SLC30A7: variants seen among roughly 807,000 people sequenced by gnomAD.
The protein encoded by SLC30A7 is zinc transporter 7.
A neutral mutation model predicts 46.0 loss-of-function variants in SLC30A7; 35 were observed. That is an observed-to-expected ratio of 0.76 (90% CI 0.58 to 1.01). The LOEUF is 1.01. SLC30A7 is among the 50% of genes least tolerant of loss of function. SLC30A7 has a pLI of 0.00. For missense variants in SLC30A7, 464 were observed against 451.1 expected, an observed-to-expected ratio of 1.03 and a Z score of -0.26; for synonymous variants, 147 against 157.8, an observed-to-expected ratio of 0.93 and a Z score of 0.51.
chr1:100,965,816 G>A lies in SLC30A7; in HGVS notation c.981G>A (p.Trp327Ter). The A allele has an allele frequency of 1.2e-6, 2 of 1,613,766 alleles. No individual in the cohort carries two copies. The highest frequency in any genetic ancestry group is 1.7e-6 in the Non-Finnish European group (2 of 1,179,744). The part of the protein sequence containing the change: ...GVYSLQEQHF[W>*]TLCSDVYVGT... ...ACAGTTTACAGGAACAGCACTTCTG[G>A]ACTTTATGTTCTGACGTTTATGTTG... Residue 327 changes from tryptophan (W) to a stop codon, truncating the protein, a stop_gained, in exon 10 of 11, where the codon TGG (tryptophan) becomes TGA (stop). Transcript: ENST00000357650. LOFTEE classifies it high-confidence loss of function.
chr1:100,982,549 C>T (rs1570619120), downstream of SLC30A7, among the ~76,000 whole-genome samples: 3 of 152,316 alleles, frequency 2.0e-5, no homozygotes, highest in Middle Eastern at 6.8e-3. Context: ...TGCCCTGTCA[C>T]CTCCATTTCC....
intron 8 of SLC30A7, among the ~76,000 whole-genome samples, chr1:100,947,472 A>G (rs1654705179): frequency 6.6e-6 from 1 of 152,172 alleles, no homozygotes; most frequent in South Asian, 2.1e-4. Flanking sequence ...TTTACTTCCA[A>G]TTATGTGGTC....
At chr1:100,915,203 TTC>T (rs1410206023) in intron 6 of SLC30A7, among the ~76,000 whole-genome samples, 2 of 88,406 alleles carry the variant, frequency 2.3e-5, no homozygotes, top group East Asian at 2.7e-4. Flanking sequence ...TTTTCTTTCT[TTC>T]TTTCTTTCTT....
intron 8 of SLC30A7, among the ~76,000 whole-genome samples, chr1:100,946,772 C>T (rs145070096): frequency 6.6e-6 from 1 of 152,058 alleles, no homozygotes; most frequent in Non-Finnish European, 1.5e-5. Context: ...CTCTGCCGGG[C>T]TTTGGTATCT....
At chr1:100,904,414 A>AT (rs1295081512) in intron 2 of SLC30A7, among the ~76,000 whole-genome samples, 1 of 151,750 alleles carries the variant, frequency 6.6e-6, no homozygotes, top group Admixed American at 6.6e-5. Flanking sequence ...ACTGGTTCAT[A>AT]TTTTTTTGTC....
chr1:100,936,152 T>C (rs534944937), intron 8 of SLC30A7, among the ~76,000 whole-genome samples: 1 of 152,186 alleles, frequency 6.6e-6, no homozygotes, highest in Admixed American at 6.5e-5. Context: ...TTTCTATGGG[T>C]GAATTACATG....
At position 100,977,214 on chromosome 1, in the gene SLC30A7, C is replaced by T. The variant is rs566324461; in HGVS notation, c.*2357C>T. 3 of 152,220 alleles carry T rather than the reference C, an allele frequency of 2.0e-5. No homozygotes were observed. The highest frequency in any genetic ancestry group is 7.2e-5 in the African/African-American group (3 of 41,526). 9.4% of individuals were successfully genotyped at this position (152,220 alleles called of 1,614,324 possible). A position where few individuals can be genotyped will look rare whatever the true frequency, so the allele number is the denominator to read the frequency against. On this transcript the variant is annotated 3_prime_UTR_variant, in exon 11 of 11. Transcript: ENST00000357650. Reference sequence around the variant, plus strand: ...CAAGTCTGCCTTTCACAGAGCCCTCCATTCCAAGTTTAGTTTTTGTCAAAA... The same window carrying T: ...CAAGTCTGCCTTTCACAGAGCCCTCTATTCCAAGTTTAGTTTTTGTCAAAA...
At chr1:100,964,332 T>C (rs928825083) in intron 9 of SLC30A7, among the ~76,000 whole-genome samples, 39 of 112,496 alleles carry the variant, frequency 3.5e-4, no homozygotes, top group African/African-American at 1.2e-3. Context: ...TACATGTATG[T>C]ATATATGTTA....
At chr1:100,913,983 TA>T (rs1652304397) in intron 6 of SLC30A7, among the ~76,000 whole-genome samples, 177 bp downstream of exon 6, 1 of 152,256 alleles carries the variant, frequency 6.6e-6, no homozygotes, top group Non-Finnish European at 1.5e-5. Flanking sequence ...ATTAACTCAG[TA>T]TAAGGCAGTG....
At chr1:100,926,649 T>A (rs1197111707) in intron 8 of SLC30A7, among the ~76,000 whole-genome samples, 2 of 152,212 alleles carry the variant, frequency 1.3e-5, no homozygotes, top group Non-Finnish European at 2.9e-5. Flanking sequence ...TAAACATTAC[T>A]GAAATGTATA....
intron 8 of SLC30A7, 140 bp from the exon 9 acceptor site, chr1:100,961,688 A>G (rs932221829): frequency 8.8e-6 from 4 of 456,852 alleles, no homozygotes; most frequent in African/African-American, 8.1e-5. Context: ...ATCTAAAACA[A>G]TGACTGGTTG....
intron 7 of SLC30A7, 109 bp downstream of exon 7, chr1:100,918,236 T>G: frequency 1.2e-6 from 1 of 865,062 alleles, no homozygotes; most frequent in Admixed American, 2.2e-5. Flanking sequence ...ACATAGTGTT[T>G]GTGTTTAGTG....
At chr1:100,956,085 T>G (rs1346434631) in intron 8 of SLC30A7, among the ~76,000 whole-genome samples, 1 of 152,046 alleles carries the variant, frequency 6.6e-6, no homozygotes, top group Non-Finnish European at 1.5e-5. Flanking sequence ...AAACCACAAT[T>G]GATCCTAATG....
At chr1:100,964,316 G>GTTATATACATGTATGTATATATGTT (rs1655728178) in intron 9 of SLC30A7, among the ~76,000 whole-genome samples, 1 of 128,470 alleles carries the variant, frequency 7.8e-6, no homozygotes, top group Non-Finnish European at 1.6e-5. Flanking sequence ...ACCTATATAT[G>GTTATATACATGTATGTATATATGTT]TTATATACAT....
At chr1:100,910,546 A>G (rs1478752702) in intron 3 of SLC30A7, among the ~76,000 whole-genome samples, 2 of 152,182 alleles carry the variant, frequency 1.3e-5, no homozygotes. Flanking sequence ...TGTCTCTGGC[A>G]TAAGTCAGAA....
chr1:100,975,016 G>A lies in SLC30A7; in HGVS notation c.*159G>A, dbSNP rs1234664713. On this transcript the variant is annotated 3_prime_UTR_variant, in exon 11 of 11. Transcript: ENST00000357650. ...GTCAGCCGTTCATGCTTTGTGGGGA[G>A]TTCACAGCTAAGGGATCAGATTTAA... 6 of 457,392 alleles carry A rather than the reference G, an allele frequency of 1.3e-5. No individual in the cohort carries two copies. The highest frequency in any genetic ancestry group is 2.3e-5 in the Non-Finnish European group (6 of 258,508). 28.3% of individuals were successfully genotyped at this position (457,392 alleles called of 1,614,324 possible). A position where few individuals can be genotyped will look rare whatever the true frequency, so the allele number is the denominator to read the frequency against.
At chr1:100,943,194 T>C (rs990194076) in intron 8 of SLC30A7, among the ~76,000 whole-genome samples, 3 of 152,202 alleles carry the variant, frequency 2.0e-5, no homozygotes, top group Admixed American at 6.5e-5. Flanking sequence ...AACCCCAGGT[T>C]AGTTTGCCTG....
downstream of SLC30A7, among the ~76,000 whole-genome samples, chr1:100,983,184 G>C (rs1488775952): frequency 6.6e-6 from 1 of 151,900 alleles, no homozygotes; most frequent in African/African-American, 2.4e-5. Context: ...CCCTTGATAT[G>C]GCACCAAACT....
At chr1:100,912,432 G>A (rs1652165216) in intron 5 of SLC30A7, among the ~76,000 whole-genome samples, 194 bp downstream of exon 5, 1 of 152,056 alleles carries the variant, frequency 6.6e-6, no homozygotes, top group Admixed American at 6.5e-5. Flanking sequence ...TTGTATCATG[G>A]ATCCCACCAG....
Sources: allele counts gnomAD v4.1 joint callset (sites outside exome capture counted in the v4.1 genomes callset), GRCh38; gene constraint gnomAD v4.1.1; transcripts MANE v1.5; gene names NCBI Gene and HGNC (gene_info 2026-07-23, HGNC 2026-07-21).